Variants in SH3GL2 observed in about 807,000 individuals in gnomAD.
The protein encoded by SH3GL2 is SH3 domain containing GRB2 like 2, endophilin A1.
SH3GL2 carries 24 observed loss-of-function variants against 46.0 expected under a neutral mutation model. The observed-to-expected ratio is 0.52, with a 90% CI of 0.38 to 0.73. The LOEUF is 0.73. SH3GL2 is among the 30% of genes least tolerant of loss of function. The pLI, the probability that SH3GL2 is intolerant of heterozygous loss-of-function variation, is 0.00. For missense variants in SH3GL2, 413 were observed against 424.2 expected, an observed-to-expected ratio of 0.97 and a Z score of 0.23; for synonymous variants, 196 against 147.1, an observed-to-expected ratio of 1.33 and a Z score of -2.40.
At chr9:17,793,287 T>A in intron 7 of SH3GL2, 80 bp from the exon 8 acceptor site, 1 of 1,308,134 alleles carries the variant, frequency 7.6e-7, no homozygotes, top group Non-Finnish European at 1.1e-6. Flanking sequence ...CCCAAGCATT[T>A]CCTGAATCTT....
At position 17,755,755 on chromosome 9, in the gene SH3GL2, C is replaced by G. The variant is rs1822969787; in HGVS notation, c.115-5682C>G. On this transcript the variant is annotated intron_variant, in intron 2 of 8. Coordinates refer to ENST00000380607, the MANE Select transcript of SH3GL2 (RefSeq NM_003026.5). ...ATCATATCTTTCAGTCCTTTTGTTGCTCCACAAACAACGCCACGCTGTTCA... is the reference window on the plus strand; with the variant it reads ...ATCATATCTTTCAGTCCTTTTGTTGGTCCACAAACAACGCCACGCTGTTCA... 3.0e-6 allele frequency: 3 copies of G among 983,736 alleles called. No individual in the cohort carries two copies. In the South Asian group the frequency reaches 1.4e-4, roughly 46 times the overall value. 60.9% of individuals were successfully genotyped at this position (983,736 alleles called of 1,614,324 possible). A position where few individuals can be genotyped will look rare whatever the true frequency, so the allele number is the denominator to read the frequency against.
chr9:17,652,360 A>T (rs1460315595), intron 1 of SH3GL2, among the ~76,000 whole-genome samples: 4 of 151,702 alleles, frequency 2.6e-5, no homozygotes, highest in Admixed American at 2.6e-4. Flanking sequence ...TATATTTCAG[A>T]TATGTGCAGT....
rs114001420 is a variant in SH3GL2, at chr9:17,735,220, G to A, written c.46-11846G>A. On this transcript the variant is annotated intron_variant, in intron 1 of 8. Transcript: ENST00000380607. ...GGTATTCACTACCTACCACTCACTG[G>A]CAGATGTTGACATTAGCACATTACT... Among the ~76,000 whole-genome samples the A allele has an allele frequency of 4.9e-3, 748 of 152,138 alleles. 4 individuals carry two copies. The highest frequency in any genetic ancestry group is 0.017 in the African/African-American group (708 of 41,512).
chr9:17,779,134 C>T (rs550049249), intron 3 of SH3GL2, among the ~76,000 whole-genome samples: 1 of 152,228 alleles, frequency 6.6e-6, no homozygotes, highest in Admixed American at 6.5e-5. Flanking sequence ...CCCAGGCTTG[C>T]TTGCTTATAT....
rs533629606 is a variant in SH3GL2 at position 17,778,086 on chromosome 9, A to G, written c.188-8295A>G. On this transcript the variant is annotated intron_variant, in intron 3 of 8. Transcript: ENST00000380607. ...ACATACTTCCATAACACAATTTACC[A>G]TACTGGTCATAGCCTCCATTTTATT... Among the ~76,000 whole-genome samples the G allele has an allele frequency of 5.3e-5, 8 of 152,272 alleles. 1 individual carries two copies. In the South Asian group the frequency reaches 1.5e-3, roughly 28 times the overall value.
At chr9:17,742,005 C>G (rs1822541003) in intron 1 of SH3GL2, among the ~76,000 whole-genome samples, 1 of 152,076 alleles carries the variant, frequency 6.6e-6, no homozygotes, top group Non-Finnish European at 1.5e-5. Context: ...GAACAAACAG[C>G]ACATTTGGTG....
At chr9:17,739,845 T>C in intron 1 of SH3GL2, among the ~76,000 whole-genome samples, 1 of 152,036 alleles carries the variant, frequency 6.6e-6, no homozygotes, top group Non-Finnish European at 1.5e-5. Context: ...CTCGGGGAAA[T>C]GGGGCTGAGA....
intron 1 of SH3GL2, among the ~76,000 whole-genome samples, chr9:17,671,236 C>A (rs1395583397): frequency 6.6e-6 from 1 of 152,094 alleles, no homozygotes; most frequent in African/African-American, 2.4e-5. Context: ...ATTTATTCAT[C>A]AGATTTTATT....
intron 1 of SH3GL2, among the ~76,000 whole-genome samples, chr9:17,601,268 T>TA (rs1376015759): frequency 6.6e-6 from 1 of 152,112 alleles, no homozygotes; most frequent in Non-Finnish European, 1.5e-5. Context: ...TTTTTTTTTT[T>TA]ACTAAAGGAC....
At chr9:17,788,005 A>G (rs1441724988) in intron 5 of SH3GL2, among the ~76,000 whole-genome samples, 2 of 152,162 alleles carry the variant, frequency 1.3e-5, no homozygotes, top group Admixed American at 6.5e-5. Context: ...GTTAGGATTG[A>G]GGAAGAATAC....
intron 1 of SH3GL2, among the ~76,000 whole-genome samples, chr9:17,621,281 G>C (rs79677737): frequency 0.02 from 3,001 of 152,244 alleles, 111 homozygotes; most frequent in African/African-American, 0.068. Flanking sequence ...TTCTTTGGAG[G>C]TATAGCTGAA....
In SH3GL2 at chr9:17,796,226, C is replaced by A. The variant is rs969471272; in HGVS notation, c.*483C>A. ...GCCTTCCCTCACCAGCAAATTGTCT[C>A]CTGATCTGAATGAATTTGTCTCTTA... is the stretch of plus-strand genomic sequence containing the variant. On this transcript the variant is annotated 3_prime_UTR_variant, in exon 9 of 9. Transcript: ENST00000380607. The A allele has an allele frequency of 6.5e-6, 1 of 154,744 alleles. No individual in the cohort carries two copies. The highest frequency in any genetic ancestry group is 1.9e-4 in the East Asian group (1 of 5,262). The allele number at this position is 154,744 out of a possible 1,614,324, so 9.6% of individuals were successfully genotyped here. A position where few individuals can be genotyped will look rare whatever the true frequency, so the allele number is the denominator to read the frequency against.
chr9:17,795,924 C>T lies in SH3GL2; in HGVS notation c.*181C>T, dbSNP rs768250539. 5 of 586,386 alleles carry T rather than the reference C, an allele frequency of 8.5e-6. No homozygotes were observed. The highest frequency in any genetic ancestry group is 1.5e-5 in the Non-Finnish European group (5 of 329,446). The allele number at this position is 586,386 out of a possible 1,614,324, so 36.3% of individuals were successfully genotyped here. A position where few individuals can be genotyped will look rare whatever the true frequency, so the allele number is the denominator to read the frequency against. ...CAGGAGTCATGGTGATGGATGATATCCTCTTAGCCTGGTGGGCGTGGCATG... is the reference window on the plus strand; with the variant it reads ...CAGGAGTCATGGTGATGGATGATATTCTCTTAGCCTGGTGGGCGTGGCATG... On this transcript the variant is annotated 3_prime_UTR_variant, in exon 9 of 9. Coordinates refer to ENST00000380607, the MANE Select transcript of SH3GL2 (RefSeq NM_003026.5).
chr9:17,785,234 T>A (rs963143808), intron 3 of SH3GL2, among the ~76,000 whole-genome samples: 3 of 152,146 alleles, frequency 2.0e-5, no homozygotes, highest in African/African-American at 7.2e-5. Context: ...TCTGGGACTC[T>A]CCTCAATCCC....
chr9:17,635,304 A>C (rs1453347996), intron 1 of SH3GL2, among the ~76,000 whole-genome samples: 1 of 152,206 alleles, frequency 6.6e-6, no homozygotes, highest in African/African-American at 2.4e-5. Flanking sequence ...ATGTCCCTGC[A>C]AAGGACATGG....
intron 1 of SH3GL2, among the ~76,000 whole-genome samples, chr9:17,724,077 T>A (rs1821961580): frequency 6.6e-6 from 1 of 152,092 alleles, no homozygotes; most frequent in African/African-American, 2.4e-5. Flanking sequence ...TTCTTTGTAC[T>A]TCTTTCTGTC....
chr9:17,618,273 C>T (rs3780245), intron 1 of SH3GL2, among the ~76,000 whole-genome samples: 57,581 of 151,912 alleles, frequency 0.38, 11,273 homozygotes, highest in East Asian at 0.6. Context: ...CAAAAAAATA[C>T]CTCAGTAAAG....
intron 1 of SH3GL2, chr9:17,589,643 C>T (rs1296677710): frequency 6.6e-6 from 1 of 152,224 alleles, no homozygotes; most frequent in African/African-American, 2.4e-5. Flanking sequence ...GTTAATCCTG[C>T]ATCTGTTTTT....
intron 1 of SH3GL2, among the ~76,000 whole-genome samples, chr9:17,604,035 G>T (rs1818717003): frequency 6.6e-6 from 1 of 152,178 alleles, no homozygotes; most frequent in East Asian, 1.9e-4. Context: ...TTAGTTTCTG[G>T]TCATGGTGGG....
Sources: gnomAD v4.1 joint callset for allele counts (sites outside exome capture counted in the v4.1 genomes callset) on GRCh38, gnomAD v4.1.1 for gene constraint, MANE v1.5 for transcripts, NCBI Gene and HGNC (gene_info 2026-07-23, HGNC 2026-07-21) for gene names.